The following RBFOX1 variants were observed in gnomAD, a reference collection of about 807,000 sequenced individuals.
The protein encoded by RBFOX1 is RNA binding fox-1 homolog 1.
In RBFOX1, 8 loss-of-function variants were observed where a neutral mutation model predicts 57.7. The ratio of observed to expected loss-of-function variants is 0.14; its 90% CI spans 0.08 to 0.25. The LOEUF (loss-of-function observed/expected upper bound fraction) is 0.25. Ranked by LOEUF, RBFOX1 falls within the 10% of genes least tolerant of loss-of-function variation. The pLI is 1.00. For missense variants in RBFOX1, 611 were observed against 548.5 expected, an observed-to-expected ratio of 1.11 and a Z score of -1.14; for synonymous variants, 326 against 222.4, an observed-to-expected ratio of 1.47 and a Z score of -4.15.
intron 1 of RBFOX1, among the ~76,000 whole-genome samples, chr16:5,244,742 A>G (rs61246836): frequency 0.012 from 1,818 of 152,338 alleles, 20 homozygotes; most frequent in Middle Eastern, 0.088. Context: ...AAGTTCTCGC[A>G]TCCCCCTTTG....
At chr16:6,215,380 G>A (rs1209284803) in intron 1 of RBFOX1, among the ~76,000 whole-genome samples, 1 of 144,226 alleles carries the variant, frequency 6.9e-6, no homozygotes, top group Admixed American at 6.9e-5. Context: ...GAAGGGGAGA[G>A]CAGGAGAGAC....
chr16:6,890,527 C>G (rs931732377), intron 3 of RBFOX1, among the ~76,000 whole-genome samples: 1 of 152,058 alleles, frequency 6.6e-6, no homozygotes, highest in Admixed American at 6.5e-5. Flanking sequence ...TCAAAACAAA[C>G]AAACAAAACC....
chr16:5,439,505 G>A (rs140150151), intron 1 of RBFOX1, among the ~76,000 whole-genome samples: 31 of 152,170 alleles, frequency 2.0e-4, no homozygotes, highest in East Asian at 1.4e-3. Flanking sequence ...TGGAGAGAAC[G>A]AACAAATGCA....
At chr16:5,416,680 C>CTT (rs35102139) in intron 1 of RBFOX1, among the ~76,000 whole-genome samples, 3 of 144,328 alleles carry the variant, frequency 2.1e-5, no homozygotes, top group East Asian at 2.0e-4. Context: ...TGTAATGTGT[C>CTT]TTTTTTTTTT....
intron 5 of RBFOX1, among the ~76,000 whole-genome samples, chr16:7,532,519 C>T (rs1456962316): frequency 6.6e-6 from 1 of 152,208 alleles, no homozygotes; most frequent in Non-Finnish European, 1.5e-5. Context: ...TGGATGCGCA[C>T]CCTGGAATAC....
At chr16:6,653,876 G>T (rs571467651) in intron 2 of RBFOX1, among the ~76,000 whole-genome samples, 31 of 151,720 alleles carry the variant, frequency 2.0e-4, no homozygotes, top group African/African-American at 7.5e-4. Context: ...GTGGATAGCT[G>T]GATGGATGAA....
chr16:5,869,286 A>G (rs1055487421), intron 4 of RBFOX1, among the ~76,000 whole-genome samples: 18 of 152,046 alleles, frequency 1.2e-4, no homozygotes, highest in African/African-American at 4.3e-4. Context: ...GTTTCCTATG[A>G]TCTTCCATCT....
At position 7,088,346 on chromosome 16, in the gene RBFOX1, C is replaced by T. The variant is rs182692791; in HGVS notation, c.27+36248C>T. The stretch of plus-strand genomic sequence containing the variant: ...TTGTTTTGTTTTTGTTTCTGTTTCT[C>T]TCTCACAAGTGACTACTTATTTGTC... On this transcript the variant is annotated intron_variant, in intron 4 of 15. Transcript: ENST00000550418. Among the ~76,000 whole-genome samples the T allele has an allele frequency of 8.8e-4, 134 of 152,278 alleles. 1 individual carries two copies. In the East Asian group the frequency reaches 0.019, roughly 21 times the overall value.
chr16:5,330,241 C>T (rs2064713202), intron 1 of RBFOX1, among the ~76,000 whole-genome samples: 1 of 152,136 alleles, frequency 6.6e-6, no homozygotes, highest in South Asian at 2.1e-4. Flanking sequence ...GTAGAAGAAC[C>T]AGGATGCAAA....
At chr16:5,577,919 A>G (rs11863520) in intron 2 of RBFOX1, among the ~76,000 whole-genome samples, 1 of 152,162 alleles carries the variant, frequency 6.6e-6, no homozygotes, top group Non-Finnish European at 1.5e-5. Flanking sequence ...AGTCAAATTT[A>G]AGAAGGAAAT....
chr16:6,380,016 A>T (rs769871154), intron 2 of RBFOX1, among the ~76,000 whole-genome samples: 7 of 152,158 alleles, frequency 4.6e-5, no homozygotes, highest in Non-Finnish European at 1.0e-4. Context: ...CCCTGTTAAC[A>T]GGCAAGAAAG....
At chr16:5,369,030 C>T (rs1310282990) in intron 1 of RBFOX1, among the ~76,000 whole-genome samples, 1 of 152,110 alleles carries the variant, frequency 6.6e-6, no homozygotes, top group Non-Finnish European at 1.5e-5. Flanking sequence ...TGAGACGAGT[C>T]TTGCTCTGTT....
chr16:7,177,333 G>A (rs948246152), intron 4 of RBFOX1, among the ~76,000 whole-genome samples: 2 of 152,122 alleles, frequency 1.3e-5, no homozygotes, highest in South Asian at 2.1e-4. Context: ...CAAGAGCTGA[G>A]GATGCAAGGA....
intron 5 of RBFOX1, among the ~76,000 whole-genome samples, chr16:7,578,825 C>T (rs574350733): frequency 5.3e-5 from 8 of 152,254 alleles, no homozygotes; most frequent in African/African-American, 1.4e-4. Flanking sequence ...ACTCTAGAAC[C>T]GAGAGTATGG....
intron 2 of RBFOX1, among the ~76,000 whole-genome samples, chr16:6,600,876 G>T (rs2097844820): frequency 6.6e-6 from 1 of 152,148 alleles, no homozygotes; most frequent in Non-Finnish European, 1.5e-5. Flanking sequence ...TTATAACTGG[G>T]GAATTAGATC....
At chr16:6,594,936 G>T (rs1241847150) in intron 2 of RBFOX1, among the ~76,000 whole-genome samples, 6 of 152,048 alleles carry the variant, frequency 3.9e-5, no homozygotes, top group African/African-American at 1.4e-4. Context: ...CTACAGGTGC[G>T]TGCCACCACA....
At chr16:5,540,815 T>C (rs2044907999) in intron 2 of RBFOX1, among the ~76,000 whole-genome samples, 2 of 152,276 alleles carry the variant, frequency 1.3e-5, no homozygotes, top group African/African-American at 2.4e-5. Flanking sequence ...TCCATCCCAA[T>C]TGCGCTGAAT....
At position 6,080,056 on chromosome 16, in the gene RBFOX1, G is replaced by T. The variant is rs76568477; in HGVS notation, c.-127+60064G>T. 6.4e-3 allele frequency among the ~76,000 whole-genome samples: 970 copies of T among 152,288 alleles called. 29 individuals carry two copies. Among genetic ancestry groups the T allele is most frequent in the Admixed American group, 0.039 (601 of 15,294 alleles). The stretch of plus-strand genomic sequence containing the variant: ...ATTTAAGTCTGGTAATGCTATTAAG[G>T]AAAGAGAGAAGAGTATGTTTTCTAA... On this transcript the variant is annotated intron_variant, in intron 1 of 15. Transcript: ENST00000550418.
intron 1 of RBFOX1, among the ~76,000 whole-genome samples, chr16:6,116,985 C>G (rs905463125): frequency 1.3e-5 from 2 of 152,182 alleles, no homozygotes; most frequent in African/African-American, 4.8e-5. Context: ...GAAGTCCTTT[C>G]AAGAGCTAGA....
Sources: gnomAD v4.1 joint callset for allele counts (sites outside exome capture counted in the v4.1 genomes callset) on GRCh38, gnomAD v4.1.1 for gene constraint, MANE v1.5 for transcripts, NCBI Gene and HGNC (gene_info 2026-07-23, HGNC 2026-07-21) for gene names.